LRRC7: variants seen among roughly 807,000 people sequenced by gnomAD.
The protein encoded by LRRC7 is leucine-rich repeat-containing protein 7.
In LRRC7, 23 loss-of-function variants were observed where a neutral mutation model predicts 175.7. That is an observed-to-expected ratio of 0.13 (90% CI 0.09 to 0.19). The LOEUF is 0.19. LRRC7 is among the 10% of genes least tolerant of loss of function. LRRC7 has a pLI of 1.00. For missense variants in LRRC7, 1,354 were observed against 1,904.7 expected (o/e 0.71, Z 5.38); for synonymous variants, 685 against 680.9 (o/e 1.01, Z -0.09).
chr1:69,644,082 G>A (rs1654640729), intron 1 of LRRC7, among the ~76,000 whole-genome samples: 1 of 152,002 alleles, frequency 6.6e-6, no homozygotes, highest in Non-Finnish European at 1.5e-5. Context: ...CCTATATATG[G>A]TCTATCTTGG....
chr1:69,590,278 G>C (rs371088328), intron 1 of LRRC7, among the ~76,000 whole-genome samples: 2 of 152,110 alleles, frequency 1.3e-5, no homozygotes, highest in South Asian at 2.1e-4. Context: ...GCATGGTTAA[G>C]TTTCCTGATC....
chr1:70,057,785 T>A (rs932361055), intron 23 of LRRC7, among the ~76,000 whole-genome samples: 4 of 152,160 alleles, frequency 2.6e-5, no homozygotes, highest in African/African-American at 9.7e-5. Context: ...AATGTGGGTG[T>A]CTTCCAAGCT....
chr1:69,869,691 T>C (rs1359853665), intron 7 of LRRC7, among the ~76,000 whole-genome samples: 3 of 151,820 alleles, frequency 2.0e-5, no homozygotes. Context: ...AAAGAGACAG[T>C]AAAGTATGAG....
chr1:69,743,803 G>A (rs1056747124), intron 2 of LRRC7, among the ~76,000 whole-genome samples: 1 of 151,888 alleles, frequency 6.6e-6, no homozygotes, highest in Non-Finnish European at 1.5e-5. Context: ...CTAAGAGTCT[G>A]TACAGAGGGA....
chr1:69,795,017 G>A (rs1675557785), intron 4 of LRRC7, among the ~76,000 whole-genome samples: 1 of 152,164 alleles, frequency 6.6e-6, no homozygotes, highest in Non-Finnish European at 1.5e-5. Context: ...TATAATGATA[G>A]CAGCCATTGC....
intron 11 of LRRC7, among the ~76,000 whole-genome samples, chr1:70,001,668 A>G (rs1185758645): frequency 6.6e-6 from 1 of 152,218 alleles, no homozygotes; most frequent in Non-Finnish European, 1.5e-5. Flanking sequence ...TCCTGGAAGA[A>G]TTCATTTTTC....
chr1:69,862,016 C>T lies in LRRC7; in HGVS notation c.647+23733C>T, dbSNP rs910010251. ...CTCTGTTGAGATAATTCTTCAGATCCACGGTAGCTGTGTGTCAGGGTAGCA... is the reference window on the plus strand; with the variant it reads ...CTCTGTTGAGATAATTCTTCAGATCTACGGTAGCTGTGTGTCAGGGTAGCA... On this transcript the variant is annotated intron_variant, in intron 7 of 26. Transcript: ENST00000651989. Among the ~76,000 whole-genome samples, 9 of 152,096 alleles carry T rather than the reference C, an allele frequency of 5.9e-5. No homozygotes were observed. The South Asian group carries it at 6.2e-4, about 11-fold the overall frequency.
chr1:69,584,544 A>G (rs552094327), intron 1 of LRRC7, among the ~76,000 whole-genome samples: 5 of 152,270 alleles, frequency 3.3e-5, no homozygotes, highest in African/African-American at 1.2e-4. Flanking sequence ...CTAAAAGTGA[A>G]CATAATACCC....
chr1:69,801,299 C>T (rs1676454389), intron 4 of LRRC7, among the ~76,000 whole-genome samples: 1 of 151,696 alleles, frequency 6.6e-6, no homozygotes, highest in African/African-American at 2.4e-5. Flanking sequence ...GGTACCAGTT[C>T]TTCTTTGTAG....
intron 2 of LRRC7, among the ~76,000 whole-genome samples, chr1:69,737,451 T>C (rs1451937236): frequency 6.6e-6 from 1 of 152,112 alleles, no homozygotes; most frequent in Non-Finnish European, 1.5e-5. Context: ...CCATTAAATC[T>C]CTTTTTCTTT....
chr1:69,759,341 C>T (rs900731384), intron 2 of LRRC7, among the ~76,000 whole-genome samples: 16 of 151,858 alleles, frequency 1.1e-4, no homozygotes, highest in Admixed American at 6.6e-5. Flanking sequence ...CCCTGAAAGG[C>T]CTTACTGTTT....
chr1:69,859,788 G>T (rs182022588), intron 7 of LRRC7, among the ~76,000 whole-genome samples: 29 of 152,014 alleles, frequency 1.9e-4, no homozygotes, highest in Admixed American at 9.2e-4. Flanking sequence ...CAAAATGACA[G>T]TATGATATGT....
chr1:69,878,777 T>C (rs895548717), intron 7 of LRRC7, among the ~76,000 whole-genome samples: 4 of 150,538 alleles, frequency 2.7e-5, no homozygotes, highest in African/African-American at 9.7e-5. Context: ...ACTCTCTGCA[T>C]GATGGATAAT....
intron 4 of LRRC7, among the ~76,000 whole-genome samples, chr1:69,809,340 G>T (rs150484126): frequency 6.0e-4 from 92 of 152,246 alleles, no homozygotes; most frequent in African/African-American, 1.9e-3. Flanking sequence ...AATTCTACCA[G>T]AGGTAAAAAG....
Position 70,016,551 on chromosome 1 carries a change from C to A in LRRC7, c.1320+17C>A. 2 of 1,524,542 alleles carry A rather than the reference C, an allele frequency of 1.3e-6. No individual in the cohort carries two copies. Among genetic ancestry groups the A allele is most frequent in the Non-Finnish European group, 1.8e-6 (2 of 1,133,280 alleles). The allele number at this position is 1,524,542 out of a possible 1,614,324, so 94.4% of individuals were successfully genotyped here. A position where few individuals can be genotyped will look rare whatever the true frequency, so the allele number is the denominator to read the frequency against. On this transcript the variant is annotated intron_variant, in intron 14 of 26. Transcript: ENST00000651989. The stretch of plus-strand genomic sequence containing the variant: ...GACAATCAGGTAAAAGGTTTTATTG[C>A]CTGATTTATTTATTAAGATGAACTA...
At chr1:69,854,296 G>A (rs1340451708) in intron 7 of LRRC7, among the ~76,000 whole-genome samples, 2 of 152,078 alleles carry the variant, frequency 1.3e-5, no homozygotes, top group Non-Finnish European at 2.9e-5. Context: ...TCAGGAGTTT[G>A]AGACTAGCCT....
chr1:69,662,347 A>G (rs1433772548), intron 1 of LRRC7, among the ~76,000 whole-genome samples: 2 of 152,206 alleles, frequency 1.3e-5, no homozygotes, highest in South Asian at 2.1e-4. Context: ...AGACATTCAT[A>G]ATGATACCAA....
chr1:70,061,589 TA>T (rs1661580783), intron 23 of LRRC7, among the ~76,000 whole-genome samples: 1 of 152,144 alleles, frequency 6.6e-6, no homozygotes, highest in African/African-American at 2.4e-5. Context: ...ATTTTTAATT[TA>T]AAAAATGTTT....
At chr1:69,717,962 A>AG (rs760325840) in intron 2 of LRRC7, among the ~76,000 whole-genome samples, 9,584 of 64,710 alleles carry the variant, frequency 0.15, 785 homozygotes, top group South Asian at 0.27. Context: ...GAAAGAAGAA[A>AG]AAGAAAGAAA....
Sources: allele counts gnomAD v4.1 joint callset (sites outside exome capture counted in the v4.1 genomes callset), GRCh38; gene constraint gnomAD v4.1.1; transcripts MANE v1.5; gene names NCBI Gene and HGNC (gene_info 2026-07-23, HGNC 2026-07-21).